SNX29: variants seen among roughly 807,000 people sequenced by gnomAD.
SNX29 encodes sorting nexin-29.
A neutral mutation model predicts 102.1 loss-of-function variants in SNX29; 78 were observed. The observed-to-expected ratio is 0.76, with a 90% CI of 0.64 to 0.92. The LOEUF is 0.92. SNX29 is among the 40% of genes least tolerant of loss of function. The pLI is 0.00. For missense variants in SNX29, 1,280 were observed against 1,061.7 expected (o/e 1.21, Z -2.86); for synonymous variants, 580 against 414.5 (o/e 1.40, Z -4.85).
chr16:12,540,970 G>A (rs780044991), intron 20 of SNX29, among the ~76,000 whole-genome samples: 14 of 152,218 alleles, frequency 9.2e-5, no homozygotes, highest in African/African-American at 2.9e-4. Flanking sequence ...CAGGCTGGAG[G>A]ATGCTACAGG....
intron 18 of SNX29, among the ~76,000 whole-genome samples, chr16:12,430,741 G>A (rs184362373): frequency 6.6e-6 from 1 of 152,166 alleles, no homozygotes; most frequent in African/African-American, 2.4e-5. Context: ...ATCCATGCTG[G>A]AAGCGGGCTG....
At chr16:12,499,575 C>G (rs980875004) in intron 19 of SNX29, among the ~76,000 whole-genome samples, 2 of 152,222 alleles carry the variant, frequency 1.3e-5, no homozygotes, top group African/African-American at 4.8e-5. Context: ...TGGGTGTGAT[C>G]TGAATCACTG....
At chr16:12,254,469 G>A (rs1009773486) in intron 14 of SNX29, among the ~76,000 whole-genome samples, 2 of 152,092 alleles carry the variant, frequency 1.3e-5, no homozygotes, top group African/African-American at 4.8e-5. Flanking sequence ...GGCCATCCCC[G>A]TCTCTACTGA....
At chr16:12,451,999 A>G (rs1339104739) in intron 18 of SNX29, among the ~76,000 whole-genome samples, 2 of 152,216 alleles carry the variant, frequency 1.3e-5, no homozygotes, top group East Asian at 3.8e-4. Context: ...TTCTGGATTC[A>G]GCTCTAGAAA....
chr16:12,136,851 T>C (rs1164391763), intron 13 of SNX29, among the ~76,000 whole-genome samples: 1 of 152,216 alleles, frequency 6.6e-6, no homozygotes, highest in Admixed American at 6.5e-5. Flanking sequence ...GCAATTCTCC[T>C]GCTTCAGTCT....
intron 9 of SNX29, among the ~76,000 whole-genome samples, chr16:12,062,639 A>T (rs1755331449): frequency 6.6e-6 from 1 of 152,020 alleles, no homozygotes; most frequent in Non-Finnish European, 1.5e-5. Flanking sequence ...GTCAGAGAAG[A>T]CTTGGCCCAA....
At chr16:12,359,401 A>G (rs150665805) in intron 16 of SNX29, among the ~76,000 whole-genome samples, 115 of 152,342 alleles carry the variant, frequency 7.5e-4, no homozygotes, top group Non-Finnish European at 7.5e-4. Flanking sequence ...GAGGTTGCCT[A>G]TCTTTTCATT....
At chr16:12,383,626 G>C (rs1381593301) in intron 16 of SNX29, among the ~76,000 whole-genome samples, 1 of 151,728 alleles carries the variant, frequency 6.6e-6, no homozygotes, top group Admixed American at 6.6e-5. Flanking sequence ...TAGTAAAGAC[G>C]GGTTTCACCA....
At chr16:12,563,866 C>T (rs916024664) in intron 20 of SNX29, among the ~76,000 whole-genome samples, 3 of 152,216 alleles carry the variant, frequency 2.0e-5, no homozygotes, top group Non-Finnish European at 2.9e-5. Context: ...GCCATCTCTC[C>T]CCATCTCTAG....
At chr16:12,181,906 C>T (rs2076394379) in intron 13 of SNX29, among the ~76,000 whole-genome samples, 4 of 147,632 alleles carry the variant, frequency 2.7e-5, no homozygotes, top group South Asian at 2.1e-4. Flanking sequence ...TTTCTGGAGA[C>T]GGAGTCTCAC....
intron 19 of SNX29, among the ~76,000 whole-genome samples, chr16:12,513,474 C>T (rs866561380): frequency 2.0e-5 from 3 of 152,032 alleles, no homozygotes; most frequent in Admixed American, 6.6e-5. Context: ...CCTTCCCTTC[C>T]GTACCCTTGC....
rs962185675 is a variant in SNX29 at position 12,098,320 on chromosome 16, C to T, written c.1402+19405C>T. Among the ~76,000 whole-genome samples, 1 of 152,052 alleles carries T rather than the reference C, an allele frequency of 6.6e-6. No homozygotes were observed. The highest frequency in any genetic ancestry group is 1.5e-5 in the Non-Finnish European group (1 of 68,024). On this transcript the variant is annotated intron_variant, in intron 11 of 20. Transcript: ENST00000566228. The surrounding 1 kb of genome is among the most constrained non-coding windows in gnomAD (Gnocchi z 6.0). Reference sequence around the variant, plus strand: ...AACTCAAAAGGTACGTATGGGATACCGTAAAGGATTTCTCTTCCACTCCCA... The same window carrying T: ...AACTCAAAAGGTACGTATGGGATACTGTAAAGGATTTCTCTTCCACTCCCA...
chr16:12,225,585 C>T (rs1247627854), intron 14 of SNX29, among the ~76,000 whole-genome samples: 2 of 152,218 alleles, frequency 1.3e-5, no homozygotes, highest in Non-Finnish European at 2.9e-5. Context: ...TTAGACCTCT[C>T]TCTTTTGTAA....
At chr16:12,228,319 G>A (rs1265495307) in intron 14 of SNX29, among the ~76,000 whole-genome samples, 7 of 152,170 alleles carry the variant, frequency 4.6e-5, no homozygotes, top group Admixed American at 3.9e-4. Context: ...TTTCCCCAAT[G>A]ATCCCTGTCT....
At chr16:12,561,832 C>T (rs1172220233) in intron 20 of SNX29, among the ~76,000 whole-genome samples, 1 of 152,168 alleles carries the variant, frequency 6.6e-6, no homozygotes, top group Non-Finnish European at 1.5e-5. Context: ...ATCCTTCTCC[C>T]TGCAGGGGAG....
chr16:12,117,339 G>A (rs374585650), intron 11 of SNX29, among the ~76,000 whole-genome samples: 18 of 106,404 alleles, frequency 1.7e-4, no homozygotes, highest in South Asian at 3.3e-4. Flanking sequence ...CGGACGAACC[G>A]TGGAAACAGG....
At chr16:12,255,994 C>T (rs550745402) in intron 14 of SNX29, among the ~76,000 whole-genome samples, 1 of 152,174 alleles carries the variant, frequency 6.6e-6, no homozygotes, top group Admixed American at 6.5e-5. Flanking sequence ...CGTTCCTACC[C>T]ACAGTGTACA....
intron 13 of SNX29, among the ~76,000 whole-genome samples, chr16:12,175,471 A>T (rs1205392259): frequency 3.3e-5 from 5 of 152,158 alleles, no homozygotes; most frequent in Admixed American, 6.6e-5. Flanking sequence ...TCTGCTAAAA[A>T]TACAAAACAA....
At chr16:12,097,564 A>C (rs1377199600) in intron 11 of SNX29, among the ~76,000 whole-genome samples, 1 of 147,446 alleles carries the variant, frequency 6.8e-6, no homozygotes, top group Non-Finnish European at 1.5e-5. Context: ...GGTCTTTTTT[A>C]GCATTTGTTC....
Sources: gnomAD v4.1 joint callset for allele counts (sites outside exome capture counted in the v4.1 genomes callset) on GRCh38, gnomAD v4.1.1 for gene constraint, Gnocchi (gnomAD v3.1) non-coding constraint, MANE v1.5 for transcripts, NCBI Gene and HGNC (gene_info 2026-07-23, HGNC 2026-07-21) for gene names.